Variants in SEMA5A observed in about 807,000 individuals in gnomAD.
The protein encoded by SEMA5A is semaphorin-5A.
SEMA5A carries 55 observed loss-of-function variants against 135.5 expected under a neutral mutation model. The observed-to-expected ratio is 0.41, with a 90% CI of 0.33 to 0.51. The LOEUF is 0.51. SEMA5A is among the 20% of genes least tolerant of loss of function. The pLI is 0.37. For synonymous variants in SEMA5A, 580 were observed against 546.5 expected (o/e 1.06, Z -0.85); for missense variants, 1,290 against 1,419.9 (o/e 0.91, Z 1.47).
At chr5:9,471,272 A>C (rs1283972948) in intron 1 of SEMA5A, among the ~76,000 whole-genome samples, 1 of 152,200 alleles carries the variant, frequency 6.6e-6, no homozygotes, top group Non-Finnish European at 1.5e-5. Flanking sequence ...CTGATGTCTC[A>C]GTTCCTACAG....
At chr5:9,215,822 T>A (rs547318800) in intron 8 of SEMA5A, among the ~76,000 whole-genome samples, 2 of 151,698 alleles carry the variant, frequency 1.3e-5, no homozygotes, top group Admixed American at 6.6e-5. Context: ...CCTATCTTAT[T>A]TTTTTTTTCA....
rs1561038457 is a variant in SEMA5A, at chr5:9,221,491, AC to A, written c.646+3182del. ...CTAATTTTTTCTATTTTTAGTAGAGACGGGGTTTCACAGTGTTAGCCAGGAT... is the reference window on the plus strand; with the variant it reads ...CTAATTTTTTCTATTTTTAGTAGAGAGGGGTTTCACAGTGTTAGCCAGGAT... On this transcript the variant is annotated intron_variant, in intron 8 of 22. Coordinates refer to ENST00000382496, the MANE Select transcript of SEMA5A (RefSeq NM_003966.3). Among the ~76,000 whole-genome samples, 11 of 151,530 alleles carry A rather than the reference AC, an allele frequency of 7.3e-5. No homozygotes were observed. In the South Asian group the frequency reaches 2.3e-3, roughly 32 times the overall value.
intron 5 of SEMA5A, among the ~76,000 whole-genome samples, chr5:9,293,204 C>CTA (rs1751173321): frequency 1.3e-5 from 2 of 152,148 alleles, no homozygotes; most frequent in African/African-American, 4.8e-5. Flanking sequence ...CTCTCTCTCT[C>CTA]TCTCCTGGAA....
chr5:9,240,867 T>C (rs1748155782), intron 5 of SEMA5A, among the ~76,000 whole-genome samples: 1 of 152,142 alleles, frequency 6.6e-6, no homozygotes, highest in Admixed American at 6.5e-5. Context: ...AACCCAAACC[T>C]ATCTTTACAA....
In SEMA5A at chr5:9,348,994, C is replaced by T. The variant is rs570824570; in HGVS notation, c.125-11182G>A. ...TTCTGTCACATTCTCACAATTCACACGTAAGTTTCCTGTCTGCCTCCTCAC... is the reference window on the plus strand; with the variant it reads ...TTCTGTCACATTCTCACAATTCACATGTAAGTTTCCTGTCTGCCTCCTCAC... On this transcript the variant is annotated intron_variant, in intron 3 of 22. Coordinates refer to ENST00000382496, the MANE Select transcript of SEMA5A (RefSeq NM_003966.3). Among the ~76,000 whole-genome samples the T allele has an allele frequency of 1.9e-4, 29 of 152,320 alleles. 1 individual carries two copies. Among genetic ancestry groups the T allele is most frequent in the African/African-American group, 6.0e-4 (25 of 41,576 alleles).
At chr5:9,093,509 C>T (rs1401294056) in intron 16 of SEMA5A, among the ~76,000 whole-genome samples, 2 of 151,868 alleles carry the variant, frequency 1.3e-5, no homozygotes, top group Non-Finnish European at 2.9e-5. Context: ...GAGTTCAAGA[C>T]CAGCCTGACG....
chr5:9,045,603 G>A (rs1736209165), intron 21 of SEMA5A, among the ~76,000 whole-genome samples: 3 of 152,132 alleles, frequency 2.0e-5, no homozygotes, highest in Admixed American at 6.5e-5. Context: ...CTGGTGTGGT[G>A]TAAATACTAT....
At position 9,143,077 on chromosome 5, in the gene SEMA5A, T is replaced by C. The variant is rs112624945; in HGVS notation, c.1482-6456A>G. ...TGGTAAATCCAACTAGAACATACATTTTCATTGTTTTCCTCTTCTGCAAAA... is the reference window on the plus strand; with the variant it reads ...TGGTAAATCCAACTAGAACATACATCTTCATTGTTTTCCTCTTCTGCAAAA... On this transcript the variant is annotated intron_variant, in intron 12 of 22. Coordinates refer to ENST00000382496, the MANE Select transcript of SEMA5A (RefSeq NM_003966.3). Among the ~76,000 whole-genome samples the C allele has an allele frequency of 1.6e-4, 24 of 152,334 alleles. 1 individual carries two copies. Among genetic ancestry groups the C allele is most frequent in the African/African-American group, 5.8e-4 (24 of 41,590 alleles).
intron 3 of SEMA5A, among the ~76,000 whole-genome samples, chr5:9,345,922 T>C (rs901674994): frequency 6.6e-6 from 1 of 152,160 alleles, no homozygotes; most frequent in Non-Finnish European, 1.5e-5. Context: ...GACACACATA[T>C]ACATGATAGG....
At chr5:9,083,290 C>A (rs1738489971) in intron 16 of SEMA5A, among the ~76,000 whole-genome samples, 3 of 152,122 alleles carry the variant, frequency 2.0e-5, no homozygotes. Flanking sequence ...CAATTTAAAT[C>A]CCAAGGAACT....
intron 13 of SEMA5A, among the ~76,000 whole-genome samples, chr5:9,128,452 A>G (rs574067139): frequency 1.3e-5 from 2 of 152,330 alleles, no homozygotes; most frequent in South Asian, 4.1e-4. Context: ...GTTATGTGTG[A>G]ATATGATACT....
intron 2 of SEMA5A, among the ~76,000 whole-genome samples, chr5:9,437,244 G>A (rs1758065802): frequency 6.6e-6 from 1 of 152,190 alleles, no homozygotes; most frequent in Admixed American, 6.5e-5. Flanking sequence ...ACGTCTTCGG[G>A]TTCCTGAGTG....
intron 1 of SEMA5A, among the ~76,000 whole-genome samples, chr5:9,520,954 A>G (rs1458803413): frequency 2.0e-5 from 3 of 152,230 alleles, no homozygotes; most frequent in Non-Finnish European, 4.4e-5. Flanking sequence ...GTCAGAATAG[A>G]GCGTGGCCTT....
At chr5:9,530,493 T>A (rs1561326291) in intron 1 of SEMA5A, among the ~76,000 whole-genome samples, 2 of 152,194 alleles carry the variant, frequency 1.3e-5, no homozygotes, top group Non-Finnish European at 2.9e-5. Flanking sequence ...TTTTTTTTAT[T>A]TTAAAGTTAT....
chr5:9,426,439 A>ATAACATAAC (rs1561243591), intron 2 of SEMA5A, among the ~76,000 whole-genome samples: 1 of 141,612 alleles, frequency 7.1e-6, no homozygotes, highest in African/African-American at 2.6e-5. Flanking sequence ...AAATAAATAA[A>ATAACATAAC]ATAAAATAAA....
At chr5:9,170,237 G>A (rs183372661) in intron 11 of SEMA5A, among the ~76,000 whole-genome samples, 2 of 152,212 alleles carry the variant, frequency 1.3e-5, no homozygotes, top group East Asian at 3.9e-4. Context: ...GAACATGGGT[G>A]ACTCATTTGC....
chr5:9,265,288 G>C (rs1008283186), intron 5 of SEMA5A: 1 of 362,930 alleles, frequency 2.8e-6, no homozygotes, highest in African/African-American at 2.1e-5. Context: ...TTGTGGATGA[G>C]GTGCTCTAGA....
intron 2 of SEMA5A, among the ~76,000 whole-genome samples, chr5:9,434,384 T>C (rs1757959621): frequency 6.6e-6 from 1 of 152,176 alleles, no homozygotes; most frequent in South Asian, 2.1e-4. Context: ...TCCTCTTCTT[T>C]TATATATTTT....
chr5:9,296,867 C>A, intron 5 of SEMA5A, among the ~76,000 whole-genome samples: 1 of 143,876 alleles, frequency 7.0e-6, no homozygotes. Context: ...AGCATATTTC[C>A]TACAGGTGAG....
Sources: allele counts gnomAD v4.1 joint callset (sites outside exome capture counted in the v4.1 genomes callset), GRCh38; gene constraint gnomAD v4.1.1; transcripts MANE v1.5; gene names NCBI Gene and HGNC (gene_info 2026-07-23, HGNC 2026-07-21).